Variants in WRN observed in about 807,000 individuals in gnomAD.
WRN encodes WRN RecQ like helicase, also known as bifunctional 3'-5' exonuclease/ATP-dependent helicase WRN.
In WRN, 149 loss-of-function variants were observed where a neutral mutation model predicts 180.7. The ratio of observed to expected loss-of-function variants is 0.82; its 90% confidence interval spans 0.72 to 0.94. WRN has a LOEUF of 0.94. Ranked by LOEUF, WRN falls within the 40% of genes least tolerant of loss-of-function variation. WRN has a pLI of 0.00. For synonymous variants in WRN, 548 were observed against 568.9 expected (o/e 0.96, Z 0.52); for missense variants, 1,661 against 1,700.1 (o/e 0.98, Z 0.40).
chr8:31,140,611 C>T (rs1802582690), intron 24 of WRN, among the ~76,000 whole-genome samples: 1 of 152,154 alleles, frequency 6.6e-6, no homozygotes, highest in Admixed American at 6.5e-5. Flanking sequence ...CTCAGTGAAG[C>T]AGCTAAATTG....
rs183439368 is a variant in WRN, at chr8:31,048,932, G to A, written c.-76-9440G>A. 7.9e-5 allele frequency among the ~76,000 whole-genome samples: 12 copies of A among 152,152 alleles called. No individual in the cohort carries two copies. The South Asian group carries it at 8.3e-4, about 11-fold the overall frequency. ...TCCACACACATGAAAAGTTAGATGA[G>A]TGTATGAATTTCTGTTGTCAGACTA... On this transcript the variant is annotated intron_variant, in intron 1 of 34. Transcript: ENST00000298139.
chr8:31,153,128 T>C (rs1803206912), intron 31 of WRN, among the ~76,000 whole-genome samples: 1 of 152,148 alleles, frequency 6.6e-6, no homozygotes, highest in Admixed American at 6.5e-5. Context: ...AACATACTGG[T>C]TGGGGCAAGT....
At chr8:31,083,242 C>T (rs1453475318) in intron 9 of WRN, among the ~76,000 whole-genome samples, 1 of 152,128 alleles carries the variant, frequency 6.6e-6, no homozygotes, top group East Asian at 1.9e-4. Flanking sequence ...TTGTAAAATA[C>T]TGATTTATTT....
chr8:31,054,316 C>T (rs187246194), intron 1 of WRN, among the ~76,000 whole-genome samples: 2 of 152,276 alleles, frequency 1.3e-5, no homozygotes, highest in East Asian at 3.9e-4. Flanking sequence ...TTTTATACCA[C>T]CTGTGAATGA....
At chr8:31,074,131 T>C (rs1006619626) in intron 7 of WRN, among the ~76,000 whole-genome samples, 12 of 151,888 alleles carry the variant, frequency 7.9e-5, no homozygotes, top group Non-Finnish European at 1.5e-4. Flanking sequence ...TTCACCATGT[T>C]AGCCAGGTTG....
intron 34 of WRN, among the ~76,000 whole-genome samples, chr8:31,170,215 C>T (rs1198397106): frequency 6.6e-6 from 1 of 152,030 alleles, no homozygotes; most frequent in Non-Finnish European, 1.5e-5. Flanking sequence ...GTTTTACTAT[C>T]TAGTTCTGTC....
At position 31,096,692 on chromosome 8, in the gene WRN, G is replaced by T. The variant is rs180837258; in HGVS notation, c.1899-76G>T. On this transcript the variant is annotated intron_variant, in intron 16 of 34. Coordinates refer to ENST00000298139, the MANE Select transcript of WRN (RefSeq NM_000553.6). ...ATTTTAAGTTGTAATTCCTTGAGAT[G>T]ATTGTTTTCTTTATTGTTAATATGT... 8 of 1,184,660 alleles carry T rather than the reference G, an allele frequency of 6.8e-6. 1 individual carries two copies. The highest frequency in any genetic ancestry group is 2.0e-4 in the Middle Eastern group (1 of 5,064). 73.4% of individuals were successfully genotyped at this position (1,184,660 alleles called of 1,614,324 possible).
rs898067814 is a variant in WRN at position 31,088,046 on chromosome 8, T to C, written c.1576+126T>C. The C allele has an allele frequency of 5.3e-6, 8 of 1,497,974 alleles. No individual in the cohort carries two copies. In the African/African-American group the frequency reaches 1.1e-4, roughly 21 times the overall value. 92.8% of individuals were successfully genotyped at this position (1,497,974 alleles called of 1,614,324 possible). ...GGCATATAGTTAATTATTGGATCCTTATAAGCTTTTGTCTCCTTAGTGCTT... is the reference window on the plus strand; with the variant it reads ...GGCATATAGTTAATTATTGGATCCTCATAAGCTTTTGTCTCCTTAGTGCTT... On this transcript the variant is annotated intron_variant, in intron 12 of 34. Coordinates refer to ENST00000298139, the MANE Select transcript of WRN (RefSeq NM_000553.6).
chr8:31,150,146 T>G (rs1803060455), intron 30 of WRN, among the ~76,000 whole-genome samples, 195 bp from the exon 31 acceptor site: 1 of 152,232 alleles, frequency 6.6e-6, no homozygotes, highest in African/African-American at 2.4e-5. Context: ...AGACAAATCT[T>G]TAAATGGTGG....
rs1801858854 is a variant in WRN at position 31,124,897 on chromosome 8, G to T, written c.2733-11G>T. 2 of 1,610,668 alleles carry T rather than the reference G, an allele frequency of 1.2e-6. No individual in the cohort carries two copies. The highest frequency in any genetic ancestry group is 1.7e-6 in the Non-Finnish European group (2 of 1,177,728). ...GTTCTTTTATTTAATTTAAAATTTT[G>T]TCTTGGGTAGAATCATCTTGTCTCA... is the stretch of plus-strand genomic sequence containing the variant. On this transcript the variant is annotated splice_polypyrimidine_tract_variant and intron_variant, in intron 22 of 34. Transcript: ENST00000298139.
At chr8:31,170,916 T>C (rs1392731192) in intron 34 of WRN, among the ~76,000 whole-genome samples, 1 of 152,234 alleles carries the variant, frequency 6.6e-6, no homozygotes, top group African/African-American at 2.4e-5. Context: ...ATCATATTTA[T>C]AGAAATATAG....
chr8:31,055,050 C>T (rs558206698), intron 1 of WRN, among the ~76,000 whole-genome samples: 32 of 152,268 alleles, frequency 2.1e-4, no homozygotes, highest in Non-Finnish European at 3.7e-4. Context: ...AGTACATGAT[C>T]GTGTTCCTTT....
chr8:31,062,858 G>A (rs536813461), intron 3 of WRN, among the ~76,000 whole-genome samples: 1 of 152,016 alleles, frequency 6.6e-6, no homozygotes, highest in East Asian at 1.9e-4. Context: ...TAAAAACAGG[G>A]TCTTGCTCTG....
intron 33 of WRN, among the ~76,000 whole-genome samples, chr8:31,165,608 A>G (rs972385288): frequency 9.9e-5 from 15 of 152,216 alleles, no homozygotes; most frequent in Admixed American, 8.5e-4. Flanking sequence ...GTAATCAGGT[A>G]TGTACTTTAT....
intron 13 of WRN, among the ~76,000 whole-genome samples, chr8:31,089,985 T>C (rs1398928563): frequency 6.6e-6 from 1 of 151,902 alleles, no homozygotes; most frequent in Non-Finnish European, 1.5e-5. Flanking sequence ...TACTTAACAG[T>C]TTTTTCTTTG....
intron 1 of WRN, among the ~76,000 whole-genome samples, chr8:31,038,611 ATCATACC>A (rs1563316634): frequency 1.3e-5 from 2 of 151,954 alleles, no homozygotes; most frequent in African/African-American, 4.8e-5. Context: ...TGCTTTTGGC[ATCATACC>A]TAATTCCCAA....
intron 6 of WRN, among the ~76,000 whole-genome samples, chr8:31,067,610 A>G (rs1386555161): frequency 6.6e-6 from 1 of 152,158 alleles, no homozygotes; most frequent in African/African-American, 2.4e-5. Flanking sequence ...ATGTGGTGAA[A>G]TTTTAGAAAA....
Position 31,174,882 on chromosome 8 carries a change from T to TC in WRN, c.*1780_*1781insC, listed in dbSNP as rs1804232533. ...TTTTTCTTTCTCTTTCTTTCTTTCT[T>TC]TCTCTCTCTCTCTCTCTTTCTTTCT... On this transcript the variant is annotated 3_prime_UTR_variant, in exon 35 of 35. Coordinates refer to ENST00000298139, the MANE Select transcript of WRN (RefSeq NM_000553.6). Among the ~76,000 whole-genome samples the TC allele has an allele frequency of 5.9e-5, 8 of 134,980 alleles. No individual in the cohort carries two copies. The highest frequency in any genetic ancestry group is 4.8e-4 in the East Asian group (2 of 4,164). The allele number at this position is 134,980 out of a possible 152,430, so 88.6% of individuals were successfully genotyped here. A position where few individuals can be genotyped will look rare whatever the true frequency, so the allele number is the denominator to read the frequency against.
intron 3 of WRN, 138 bp downstream of exon 3, chr8:31,059,403 C>A: frequency 3.0e-6 from 2 of 672,326 alleles, no homozygotes; most frequent in South Asian, 1.7e-5. Context: ...ACACTATCAC[C>A]AAGTTTTACA....
Sources: gnomAD v4.1 joint callset for allele counts (sites outside exome capture counted in the v4.1 genomes callset) on GRCh38, gnomAD v4.1.1 for gene constraint, MANE v1.5 for transcripts, NCBI Gene and HGNC (gene_info 2026-07-23, HGNC 2026-07-21) for gene names.